The following DCC variants were observed in gnomAD, a reference collection of about 807,000 sequenced individuals.
The protein encoded by DCC is DCC netrin 1 receptor.
Under a neutral mutation model 172.5 loss-of-function variants are expected in DCC, and 58 were observed. That is an observed-to-expected ratio of 0.34 (90% CI 0.27 to 0.42). The LOEUF (loss-of-function observed/expected upper bound fraction) is 0.42, where lower values mean the gene tolerates loss of function less well. Among genes scored for constraint, DCC ranks in the 10% least tolerant of loss-of-function variants. DCC has a pLI of 1.00. For missense variants in DCC, 1,740 were observed against 1,791.0 expected (o/e 0.97, Z 0.51); for synonymous variants, 709 against 644.5 (o/e 1.10, Z -1.52).
In DCC at chr18:52,961,627, T is replaced by C. The variant is rs537901132; in HGVS notation, c.985+36257T>C. Among the ~76,000 whole-genome samples the C allele has an allele frequency of 3.8e-4, 58 of 152,296 alleles. 1 individual carries two copies. Among genetic ancestry groups the C allele is most frequent in the Middle Eastern group, 3.4e-3 (1 of 294 alleles). ...GGCTATGCCTCCCTGCACAAATACA[T>C]TGATGCATTTGTATGGCTTAAGTCA... On this transcript the variant is annotated intron_variant, in intron 5 of 28. Coordinates refer to ENST00000442544, the MANE Select transcript of DCC (RefSeq NM_005215.4).
chr18:52,843,457 A>G (rs1399448427), intron 2 of DCC, among the ~76,000 whole-genome samples: 1 of 152,188 alleles, frequency 6.6e-6, no homozygotes, highest in Non-Finnish European at 1.5e-5. Context: ...AAGTTTAAAG[A>G]TACCCTAGAA....
At chr18:53,088,412 A>G (rs916198495) in intron 7 of DCC, among the ~76,000 whole-genome samples, 2 of 152,130 alleles carry the variant, frequency 1.3e-5, no homozygotes, top group East Asian at 1.9e-4. Flanking sequence ...TTTGTCTATT[A>G]TTGGTGTATA....
At chr18:53,245,391 C>T (rs2056353627) in intron 12 of DCC, among the ~76,000 whole-genome samples, 1 of 152,072 alleles carries the variant, frequency 6.6e-6, no homozygotes, top group Admixed American at 6.6e-5. Context: ...TGCTCTGTGC[C>T]TCAGTTTACT....
intron 27 of DCC, among the ~76,000 whole-genome samples, chr18:53,506,524 C>CAGTGGCCTCCATAA (rs901015333): frequency 1.3e-5 from 2 of 152,082 alleles, no homozygotes; most frequent in Non-Finnish European, 2.9e-5. Context: ...AACAGACATG[C>CAGTGGCCTCCATAA]AGTGGCCTCC....
At chr18:52,605,126 A>G (rs1398893100) in intron 1 of DCC, among the ~76,000 whole-genome samples, 1 of 152,088 alleles carries the variant, frequency 6.6e-6, no homozygotes, top group East Asian at 1.9e-4. Context: ...TTTTTCTGTG[A>G]AATGGATAAA....
At chr18:53,120,064 T>C (rs908796692) in intron 7 of DCC, among the ~76,000 whole-genome samples, 1 of 151,898 alleles carries the variant, frequency 6.6e-6, no homozygotes, top group African/African-American at 2.4e-5. Flanking sequence ...ATAAACAGTG[T>C]ACAAGTCATG....
In DCC at chr18:53,043,152, T is replaced by C. The variant is rs560991617; in HGVS notation, c.986-20153T>C. 1.1e-4 allele frequency among the ~76,000 whole-genome samples: 17 copies of C among 151,844 alleles called. No homozygotes were observed. The East Asian group carries it at 2.7e-3, about 24-fold the overall frequency. On this transcript the variant is annotated intron_variant, in intron 5 of 28. Transcript: ENST00000442544. ...CTATGCCTCCGTAAAAAAGAATGAG[T>C]TCATGCCCTTTACAAGGACATGGAT...
At chr18:52,808,673 G>A (rs575683282) in intron 2 of DCC, among the ~76,000 whole-genome samples, 1 of 152,120 alleles carries the variant, frequency 6.6e-6, no homozygotes, top group Non-Finnish European at 1.5e-5. Flanking sequence ...CCTGCCAGTG[G>A]CAGGCAGAAG....
intron 2 of DCC, among the ~76,000 whole-genome samples, chr18:52,817,397 A>T (rs1453383851): frequency 6.6e-6 from 1 of 152,166 alleles, no homozygotes; most frequent in East Asian, 1.9e-4. Context: ...TTTTAATGCC[A>T]GTCCTTCAGT....
At chr18:53,370,370 A>G (rs2058048093) in intron 15 of DCC, among the ~76,000 whole-genome samples, 1 of 151,734 alleles carries the variant, frequency 6.6e-6, no homozygotes, top group Non-Finnish European at 1.5e-5. Flanking sequence ...AGGTTTGCCA[A>G]TTTGGTTTAT....
chr18:53,082,883 T>C (rs1191052697), intron 7 of DCC, among the ~76,000 whole-genome samples: 1 of 152,100 alleles, frequency 6.6e-6, no homozygotes. Context: ...CACTCCCTCA[T>C]TCCTAGACTC....
chr18:52,802,464 CT>C (rs1166261148), intron 2 of DCC, among the ~76,000 whole-genome samples: 1 of 113,610 alleles, frequency 8.8e-6, no homozygotes, highest in Non-Finnish European at 1.9e-5. Context: ...CCATATATAA[CT>C]TTTTACTCCC....
At chr18:52,860,982 G>A (rs957410512) in intron 2 of DCC, among the ~76,000 whole-genome samples, 56 of 139,476 alleles carry the variant, frequency 4.0e-4, no homozygotes, top group African/African-American at 1.4e-3. Context: ...CTCCAGCCTG[G>A]ATGACAAAGC....
chr18:53,334,835 A>G (rs866255065), intron 14 of DCC, among the ~76,000 whole-genome samples: 2 of 152,216 alleles, frequency 1.3e-5, no homozygotes, highest in Non-Finnish European at 2.9e-5. Flanking sequence ...GCATTTATAC[A>G]TTGGTGGAAA....
chr18:52,695,603 T>G (rs1490093165), intron 1 of DCC, among the ~76,000 whole-genome samples: 4 of 152,188 alleles, frequency 2.6e-5, no homozygotes, highest in African/African-American at 4.8e-5. Context: ...TTTTTCCAGC[T>G]GCCACTGGGG....
At chr18:53,509,091 TC>T (rs1345292969) in intron 27 of DCC, among the ~76,000 whole-genome samples, 1 of 152,228 alleles carries the variant, frequency 6.6e-6, no homozygotes, top group Non-Finnish European at 1.5e-5. Context: ...TTCTGGAGTT[TC>T]CTAGATCCCA....
chr18:52,782,949 T>C (rs1223761657), intron 2 of DCC, among the ~76,000 whole-genome samples: 1 of 152,080 alleles, frequency 6.6e-6, no homozygotes, highest in Admixed American at 6.6e-5. Flanking sequence ...TTATATCATG[T>C]ATACTGTTGA....
intron 12 of DCC, among the ~76,000 whole-genome samples, chr18:53,273,955 C>T (rs2056777029): frequency 6.6e-6 from 1 of 151,790 alleles, no homozygotes. Flanking sequence ...ATCAATAGGG[C>T]CTTAGGCGAG....
At chr18:53,413,123 G>C (rs923230589) in intron 20 of DCC, among the ~76,000 whole-genome samples, 1 of 152,088 alleles carries the variant, frequency 6.6e-6, no homozygotes, top group African/African-American at 2.4e-5. Flanking sequence ...CTGGCCTATC[G>C]GGTAATAGAG....
Sources: gnomAD v4.1 joint callset for allele counts (sites outside exome capture counted in the v4.1 genomes callset) on GRCh38, gnomAD v4.1.1 for gene constraint, MANE v1.5 for transcripts, NCBI Gene and HGNC (gene_info 2026-07-23, HGNC 2026-07-21) for gene names.